TBC1D5: variants seen among roughly 807,000 people sequenced by gnomAD.
TBC1D5 encodes TBC1 domain family member 5, also known as TBC1 domain family, member 5.
Under a neutral mutation model 100.3 loss-of-function variants are expected in TBC1D5, and 75 were observed. The observed-to-expected ratio is 0.75, with a 90% CI of 0.62 to 0.91. TBC1D5 has a LOEUF of 0.91. Among genes scored for constraint, TBC1D5 ranks in the 40% least tolerant of loss-of-function variants. TBC1D5 has a pLI of 0.00. For missense variants in TBC1D5, 910 were observed against 942.4 expected (o/e 0.97, Z 0.45); for synonymous variants, 323 against 325.6 (o/e 0.99, Z 0.09).
chr3:17,547,723 C>A, intron 2 of TBC1D5, among the ~76,000 whole-genome samples: 1 of 152,126 alleles, frequency 6.6e-6, no homozygotes, highest in Non-Finnish European at 1.5e-5. Flanking sequence ...CAAAAATTCA[C>A]AAATGGAAAT....
intron 2 of TBC1D5, among the ~76,000 whole-genome samples, chr3:17,572,304 TAA>T (rs1018210266): frequency 1.4e-5 from 2 of 142,758 alleles, no homozygotes; most frequent in Non-Finnish European, 1.5e-5. Context: ...CATTCTCAGT[TAA>T]AAAAAAAAAA....
chr3:17,554,083 G>A (rs1044099982), intron 2 of TBC1D5, among the ~76,000 whole-genome samples: 1 of 151,992 alleles, frequency 6.6e-6, no homozygotes, highest in African/African-American at 2.4e-5. Context: ...CCTAAATTAA[G>A]GAATACAAGG....
chr3:17,563,997 T>C (rs1030825853), intron 2 of TBC1D5, among the ~76,000 whole-genome samples: 15 of 152,200 alleles, frequency 9.9e-5, no homozygotes, highest in Non-Finnish European at 1.9e-4. Flanking sequence ...TTAGCCAGGA[T>C]GGTCTCGATC....
At chr3:17,560,453 C>A (rs1207045549) in intron 2 of TBC1D5, among the ~76,000 whole-genome samples, 1 of 151,738 alleles carries the variant, frequency 6.6e-6, no homozygotes, top group South Asian at 2.1e-4. Context: ...CACCCTGTCT[C>A]TAAAAAAATT....
At chr3:17,741,700 A>C (rs148924248), upstream of TBC1D5, among the ~76,000 whole-genome samples, 177 of 152,244 alleles carry the variant, frequency 1.2e-3, no homozygotes, top group African/African-American at 4.0e-3. Context: ...CTGGTATCGA[A>C]CAAATTCTAG....
intron 13 of TBC1D5, among the ~76,000 whole-genome samples, chr3:17,344,383 A>G (rs1472795805): frequency 1.3e-5 from 2 of 152,154 alleles, no homozygotes; most frequent in African/African-American, 4.8e-5. Flanking sequence ...CTCTTCAAGG[A>G]GAACTACAAA....
At chr3:17,587,984 T>C (rs1240389500) in intron 2 of TBC1D5, among the ~76,000 whole-genome samples, 1 of 151,988 alleles carries the variant, frequency 6.6e-6, no homozygotes, top group Non-Finnish European at 1.5e-5. Context: ...CCAATATATA[T>C]TATCATAGTA....
intron 13 of TBC1D5, among the ~76,000 whole-genome samples, chr3:17,312,807 T>C (rs967098145): frequency 3.3e-5 from 5 of 152,168 alleles, no homozygotes; most frequent in Non-Finnish European, 5.9e-5. Context: ...TTTGCAAAAA[T>C]AGTCTGAATG....
chr3:17,563,546 T>C (rs546818692), intron 2 of TBC1D5, among the ~76,000 whole-genome samples: 4 of 152,322 alleles, frequency 2.6e-5, no homozygotes, highest in South Asian at 4.1e-4. Flanking sequence ...CCTGGAATTA[T>C]CAAAGTACAT....
chr3:17,239,355 A>G (rs779994355), intron 16 of TBC1D5, among the ~76,000 whole-genome samples: 22 of 151,806 alleles, frequency 1.4e-4, no homozygotes, highest in Non-Finnish European at 2.4e-4. Context: ...CTGCATCATC[A>G]TTTTCTCCTT....
At chr3:17,523,701 A>G (rs1048401943) in intron 2 of TBC1D5, among the ~76,000 whole-genome samples, 1 of 152,234 alleles carries the variant, frequency 6.6e-6, no homozygotes, top group African/African-American at 2.4e-5. Flanking sequence ...ATTATTAACA[A>G]TAAAGCTTTA....
intron 3 of TBC1D5, among the ~76,000 whole-genome samples, chr3:17,447,861 G>A (rs1232676822): frequency 1.3e-5 from 2 of 152,044 alleles, no homozygotes; most frequent in East Asian, 1.9e-4. Context: ...TGTATTTCTT[G>A]GAATATCAGG....
intron 2 of TBC1D5, among the ~76,000 whole-genome samples, chr3:17,555,205 A>G (rs2096507528): frequency 6.6e-6 from 1 of 152,144 alleles, no homozygotes; most frequent in Non-Finnish European, 1.5e-5. Context: ...TCTGTAATCC[A>G]AAATGTATCT....
chr3:17,526,739 C>T (rs2096141103), intron 2 of TBC1D5, among the ~76,000 whole-genome samples: 1 of 152,106 alleles, frequency 6.6e-6, no homozygotes, highest in South Asian at 2.1e-4. Flanking sequence ...ATCACCATTA[C>T]CAGCACACTG....
chr3:17,568,371 C>T (rs184085599), intron 2 of TBC1D5, among the ~76,000 whole-genome samples: 21 of 151,374 alleles, frequency 1.4e-4, no homozygotes, highest in African/African-American at 3.6e-4. Flanking sequence ...AAAAAGAGAA[C>T]ATTGTCAAAG....
At chr3:17,230,117 C>T (rs1333254424) in intron 17 of TBC1D5, among the ~76,000 whole-genome samples, 1 of 152,108 alleles carries the variant, frequency 6.6e-6, no homozygotes, top group African/African-American at 2.4e-5. Context: ...CAATATAGTG[C>T]CATCTATGAG....
chr3:17,614,060 G>A (rs2153629434), intron 2 of TBC1D5, among the ~76,000 whole-genome samples: 1 of 152,280 alleles, frequency 6.6e-6, no homozygotes, highest in African/African-American at 2.4e-5. Flanking sequence ...ATTAACTTTT[G>A]TGTAAGGGGT....
rs138915196 is a variant in TBC1D5, at chr3:17,571,877, A to G, written c.-36+51972T>C. On this transcript the variant is annotated intron_variant, in intron 2 of 21. Transcript: ENST00000253692. ...CTTTCACACTTTCAGGATTCACTGT[A>G]GTGTTTAAGCCAAGGTCATACTCTC... Among the ~76,000 whole-genome samples, 536 of 152,182 alleles carry G rather than the reference A, an allele frequency of 3.5e-3. 4 individuals carry two copies. Among genetic ancestry groups the G allele is most frequent in the African/African-American group, 0.012 (504 of 41,512 alleles).
intron 13 of TBC1D5, among the ~76,000 whole-genome samples, chr3:17,343,669 T>C (rs2089379403): frequency 6.6e-6 from 1 of 152,098 alleles, no homozygotes; most frequent in South Asian, 2.1e-4. Flanking sequence ...TATTCAGAGA[T>C]TCAACTTCTT....
Sources: gnomAD v4.1 joint callset for allele counts (sites outside exome capture counted in the v4.1 genomes callset) on GRCh38, gnomAD v4.1.1 for gene constraint, MANE v1.5 for transcripts, NCBI Gene and HGNC (gene_info 2026-07-23, HGNC 2026-07-21) for gene names.